The following METTL22 variants were observed in gnomAD, a reference collection of about 807,000 sequenced individuals.
METTL22 encodes methyltransferase-like protein 22.
Under a neutral mutation model 48.4 loss-of-function variants are expected in METTL22, and 51 were observed. The ratio of observed to expected loss-of-function variants is 1.05; its 90% CI spans 0.84 to 1.33. The LOEUF is 1.33. Ranked by LOEUF, METTL22 falls within the 40% of genes most tolerant of loss-of-function variation. The pLI, the probability that METTL22 is intolerant of heterozygous loss-of-function variation, is 0.00. For missense variants in METTL22, 678 were observed against 526.9 expected, an observed-to-expected ratio of 1.29 and a Z score of -2.81; for synonymous variants, 255 against 214.1, an observed-to-expected ratio of 1.19 and a Z score of -1.67.
At chr16:8,632,428 A>G (rs2056295203) in intron 3 of METTL22, among the ~76,000 whole-genome samples, 1 of 151,904 alleles carries the variant, frequency 6.6e-6, no homozygotes, top group Admixed American at 6.6e-5. Flanking sequence ...CTGGTCTCAA[A>G]CTCCTGGCTT....
chr16:8,643,570 G>A (rs1301386632), intron 9 of METTL22, among the ~76,000 whole-genome samples: 4 of 152,218 alleles, frequency 2.6e-5, no homozygotes, highest in Non-Finnish European at 1.5e-5. Context: ...GTGGCTGGAA[G>A]TGGACAGTGG....
chr16:8,621,966 C>G (rs1333887410), intron 1 of METTL22, among the ~76,000 whole-genome samples, 191 bp downstream of exon 1: 1 of 152,344 alleles, frequency 6.6e-6, no homozygotes, highest in African/African-American at 2.4e-5. Context: ...ACCTGGGTTT[C>G]CATCCTGGGT....
intron 3 of METTL22, chr16:8,632,228 C>G (rs1038834259): frequency 4.6e-5 from 7 of 152,224 alleles, no homozygotes; most frequent in African/African-American, 1.7e-4. Flanking sequence ...TTCCTTTGAT[C>G]CATCCCTGAG....
At chr16:8,665,028 T>C in the METTL22 span, among the ~76,000 whole-genome samples, 5,213 of 152,202 alleles carry the variant, frequency 0.034, 130 homozygotes, top group Non-Finnish European at 0.054. Flanking sequence ...GCGAGAAAGC[T>C]GGGTGGGAGC....
chr16:8,634,891 C>A, intron 3 of METTL22, 148 bp from the exon 4 acceptor site: 1 of 991,854 alleles, frequency 1.0e-6, no homozygotes, highest in South Asian at 1.5e-5. Context: ...GTAGCACAGC[C>A]TGTGTTTCTG....
rs927740156 is a variant in METTL22, at chr16:8,647,937, A to C, written c.*1794A>C. On this transcript the variant is annotated 3_prime_UTR_variant, in exon 11 of 11. Coordinates refer to ENST00000381920, the MANE Select transcript of METTL22 (RefSeq NM_024109.4). ...AGAGTCAGGTTTAGAGCCCATGTCCACCCATGTCCATCTGACTCCTGAGCC... is the reference window on the plus strand; with the variant it reads ...AGAGTCAGGTTTAGAGCCCATGTCCCCCCATGTCCATCTGACTCCTGAGCC... 1.3e-5 allele frequency: 2 copies of C among 152,234 alleles called. No individual in the cohort carries two copies. Among genetic ancestry groups the C allele is most frequent in the Admixed American group, 1.3e-4 (2 of 15,278 alleles). The allele number at this position is 152,234 out of a possible 1,614,324, so 9.4% of individuals were successfully genotyped here.
At chr16:8,630,140 G>A (rs371303662) in intron 3 of METTL22, among the ~76,000 whole-genome samples, 3 of 152,142 alleles carry the variant, frequency 2.0e-5, no homozygotes, top group African/African-American at 7.2e-5. Flanking sequence ...GTCAGAGAAT[G>A]GGGGTCAGTG....
chr16:8,657,220 C>T, the METTL22 span, among the ~76,000 whole-genome samples: 1 of 152,170 alleles, frequency 6.6e-6, no homozygotes, highest in Non-Finnish European at 1.5e-5. Flanking sequence ...AGTCACCCTC[C>T]AAGCTAGTCC....
intron 3 of METTL22, among the ~76,000 whole-genome samples, chr16:8,632,491 C>T (rs2056297361): frequency 6.6e-6 from 1 of 152,190 alleles, no homozygotes. Flanking sequence ...TAGGTGTGAG[C>T]CACTACCCGG....
chr16:8,633,837 G>T (rs1476669337), intron 3 of METTL22, among the ~76,000 whole-genome samples: 1 of 152,238 alleles, frequency 6.6e-6, no homozygotes, highest in Non-Finnish European at 1.5e-5. Context: ...CAGTAATGCT[G>T]AACCTTAGTC....
chr16:8,666,764 TTTTCTTTCTTTC>T, the METTL22 span: 2 of 146,448 alleles, frequency 1.4e-5, no homozygotes, highest in African/African-American at 2.5e-5. Context: ...CCTGATTTTC[TTTTCTTTCTTTC>T]TTTCTTTCTT....
At position 8,647,782 on chromosome 16, in the gene METTL22, C is replaced by G. The variant is rs1246262170; in HGVS notation, c.*1639C>G. 2 of 152,236 alleles carry G rather than the reference C, an allele frequency of 1.3e-5. No individual in the cohort carries two copies. Among genetic ancestry groups the G allele is most frequent in the Admixed American group, 6.5e-5 (1 of 15,286 alleles). The allele number at this position is 152,236 out of a possible 1,614,324, so 9.4% of individuals were successfully genotyped here. ...TGCCCCTCTGGGAGCAAGAAGAAAA[C>G]CTATGCATGTACGTTATTATAAATC... is the stretch of plus-strand genomic sequence containing the variant. On this transcript the variant is annotated 3_prime_UTR_variant, in exon 11 of 11. Transcript: ENST00000381920.
At chr16:8,640,292 C>T (rs558767485) in intron 6 of METTL22, among the ~76,000 whole-genome samples, 1 of 152,062 alleles carries the variant, frequency 6.6e-6, no homozygotes, top group East Asian at 1.9e-4. Flanking sequence ...ACATGAGTTC[C>T]TCTCTCTCCT....
intron 3 of METTL22, among the ~76,000 whole-genome samples, chr16:8,632,851 A>T (rs1289161663): frequency 6.6e-6 from 1 of 152,214 alleles, no homozygotes; most frequent in Non-Finnish European, 1.5e-5. Context: ...TTCTCCCTCA[A>T]GGGAAGCTAG....
chr16:8,667,016 G>C, the METTL22 span: 1 of 151,594 alleles, frequency 6.6e-6, no homozygotes, highest in South Asian at 2.1e-4. Flanking sequence ...GGCTGGTCTC[G>C]AACTCCTGAC....
intron 3 of METTL22, among the ~76,000 whole-genome samples, chr16:8,630,046 G>A (rs903049681): frequency 3.9e-5 from 6 of 152,068 alleles, no homozygotes; most frequent in African/African-American, 1.5e-4. Context: ...GCGGAGCTGT[G>A]ATTTGAGGCC....
At chr16:8,645,466 A>T (rs890455667) in intron 10 of METTL22, among the ~76,000 whole-genome samples, 2 of 152,176 alleles carry the variant, frequency 1.3e-5, no homozygotes, top group Admixed American at 1.3e-4. Flanking sequence ...AGCAGCCCCA[A>T]TACATGATGC....
chr16:8,641,709 A>G, intron 7 of METTL22: 1 of 390,846 alleles, frequency 2.6e-6, no homozygotes, highest in Non-Finnish European at 4.9e-6. Flanking sequence ...TCACCTGCCT[A>G]GCACTTTGCG....
chr16:8,644,262 A>G (rs907433074), intron 9 of METTL22, among the ~76,000 whole-genome samples: 6 of 152,122 alleles, frequency 3.9e-5, no homozygotes, highest in African/African-American at 1.4e-4. Context: ...GGCGTCCTCA[A>G]GTGTTGATCT....
Sources: gnomAD v4.1 joint callset for allele counts (sites outside exome capture counted in the v4.1 genomes callset) on GRCh38, gnomAD v4.1.1 for gene constraint, MANE v1.5 for transcripts, NCBI Gene and HGNC (gene_info 2026-07-23, HGNC 2026-07-21) for gene names.